CNBD1: variants seen among roughly 807,000 people sequenced by gnomAD.
CNBD1 encodes cyclic nucleotide binding domain containing 1.
In CNBD1, 71 loss-of-function variants were observed where a neutral mutation model predicts 54.4. The observed-to-expected ratio is 1.30, with a 90% CI of 1.08 to 1.59. CNBD1 has a LOEUF of 1.59. Among genes scored for constraint, CNBD1 ranks in the 40% most tolerant of loss-of-function variants. The pLI is 0.00. For missense variants in CNBD1, 659 were observed against 518.0 expected, an observed-to-expected ratio of 1.27 and a Z score of -2.64; for synonymous variants, 182 against 170.7, an observed-to-expected ratio of 1.07 and a Z score of -0.51.
intron 4 of CNBD1, among the ~76,000 whole-genome samples, chr8:86,981,459 G>T (rs1563846543): frequency 6.6e-6 from 1 of 152,106 alleles, no homozygotes; most frequent in African/African-American, 2.4e-5. Flanking sequence ...GAATTACTGA[G>T]CTATAATTTA....
At chr8:86,885,448 T>C (rs937574749) in intron 1 of CNBD1, among the ~76,000 whole-genome samples, 24 of 152,186 alleles carry the variant, frequency 1.6e-4, no homozygotes, top group African/African-American at 5.5e-4. Context: ...AACCGTGTTA[T>C]AGGGTTAAGT....
chr8:87,087,249 A>ATATCG (rs1563463306), intron 4 of CNBD1, among the ~76,000 whole-genome samples: 2 of 139,106 alleles, frequency 1.4e-5, no homozygotes, highest in African/African-American at 5.7e-5. Context: ...ATATATACGT[A>ATATCG]TATATATATA....
chr8:86,991,366 TTC>T (rs887140865), intron 4 of CNBD1, among the ~76,000 whole-genome samples: 10 of 151,944 alleles, frequency 6.6e-5, no homozygotes, highest in African/African-American at 2.4e-4. Flanking sequence ...TATTCAGATA[TTC>T]TCTCTCTGAC....
intron 6 of CNBD1, among the ~76,000 whole-genome samples, chr8:87,274,086 C>A (rs183985125): frequency 3.9e-5 from 6 of 152,184 alleles, no homozygotes; most frequent in African/African-American, 7.2e-5. Context: ...CATGTCCCTA[C>A]AAAAGACATG....
At chr8:87,323,622 A>G (rs1026846269) in intron 8 of CNBD1, among the ~76,000 whole-genome samples, 6 of 131,132 alleles carry the variant, frequency 4.6e-5, no homozygotes, top group African/African-American at 1.4e-4. Flanking sequence ...CTGGTGTATA[A>G]GAATGCTTGT....
intron 10 of CNBD1, among the ~76,000 whole-genome samples, chr8:87,375,819 C>T (rs987478725): frequency 1.3e-5 from 2 of 151,780 alleles, no homozygotes; most frequent in Admixed American, 6.6e-5. Context: ...CACTGAATTC[C>T]GTCACTAAAT....
In CNBD1 at chr8:87,236,935, A is replaced by G; in HGVS notation, c.594A>G (p.Gly198=). The G allele has an allele frequency of 1.3e-6, 2 of 1,596,918 alleles. No homozygotes were observed. The change falls in exon 6 of 11, where the codon GGA becomes GGG. Residue 198 remains glycine, a synonymous_variant. Transcript: ENST00000518476. ...LKGSTVVAND[G]FYVILKGLAR... ...TTTTTTCAGTGGTTGCAAATGATGG[A>G]TTTTATGTAATACTGAAAGGCCTAG...
At chr8:86,917,237 T>C (rs899068493) in intron 3 of CNBD1, among the ~76,000 whole-genome samples, 1 of 152,132 alleles carries the variant, frequency 6.6e-6, no homozygotes, top group African/African-American at 2.4e-5. Flanking sequence ...AGAATCACCT[T>C]AGGAGTTTTG....
chr8:87,210,273 G>T (rs1207804686), intron 5 of CNBD1, among the ~76,000 whole-genome samples: 1 of 152,202 alleles, frequency 6.6e-6, no homozygotes, highest in Admixed American at 6.5e-5. Flanking sequence ...AGCAGAGCAT[G>T]AGAGTTTTGA....
chr8:87,413,256 C>G (rs1250619289), intron 2 of CNBD1, among the ~76,000 whole-genome samples: 1 of 152,100 alleles, frequency 6.6e-6, no homozygotes, highest in Non-Finnish European at 1.5e-5. Flanking sequence ...CCAAGCTTAA[C>G]TTTCCCTTTT....
intron 2 of CNBD1, among the ~76,000 whole-genome samples, chr8:87,403,128 AT>A (rs1807595973): frequency 1.0e-5 from 1 of 97,318 alleles, no homozygotes; most frequent in Non-Finnish European, 2.0e-5. Context: ...AACATAGAAA[AT>A]AAAAAAAAAA....
intron 4 of CNBD1, among the ~76,000 whole-genome samples, chr8:86,957,042 G>A (rs921414139): frequency 1.2e-4 from 18 of 152,242 alleles, no homozygotes; most frequent in African/African-American, 4.1e-4. Flanking sequence ...AGCATGAAGG[G>A]CTGTTGAATT....
chr8:87,421,503 C>G (rs1299438355), intron 2 of CNBD1, among the ~76,000 whole-genome samples: 2 of 147,896 alleles, frequency 1.4e-5, no homozygotes, highest in African/African-American at 5.0e-5. Context: ...TCAATTCCCA[C>G]CTATGAGTGA....
chr8:87,358,459 G>GT (rs1036321008), intron 10 of CNBD1, among the ~76,000 whole-genome samples: 2 of 151,802 alleles, frequency 1.3e-5, no homozygotes, highest in African/African-American at 2.4e-5. Flanking sequence ...ATAATAATAT[G>GT]TTTTTTCTTT....
At chr8:87,110,615 G>A (rs899610930) in intron 4 of CNBD1, among the ~76,000 whole-genome samples, 4 of 152,146 alleles carry the variant, frequency 2.6e-5, no homozygotes, top group South Asian at 2.1e-4. Flanking sequence ...CCTGCCCTCC[G>A]GAGCATGTTG....
chr8:87,401,160 C>A (rs1276537344), intron 2 of CNBD1, among the ~76,000 whole-genome samples: 1 of 151,944 alleles, frequency 6.6e-6, no homozygotes, highest in Non-Finnish European at 1.5e-5. Flanking sequence ...TGTTTTCTAG[C>A]CAACCAAATA....
downstream of CNBD1, among the ~76,000 whole-genome samples, chr8:87,385,192 G>C (rs1448387309): frequency 1.3e-5 from 2 of 152,168 alleles, no homozygotes; most frequent in Non-Finnish European, 2.9e-5. Context: ...CCCAGCTTGA[G>C]TAACGCAGAA....
chr8:86,913,287 G>A lies in CNBD1; in HGVS notation c.272+8093G>A, dbSNP rs188444493. On this transcript the variant is annotated intron_variant, in intron 3 of 10. Coordinates refer to ENST00000518476, the MANE Select transcript of CNBD1 (RefSeq NM_173538.3). ...ACTGCAGGCTCCATTTAAGGGAAGTGCCCTTTACAGATATACCATTTTACA... is the reference window on the plus strand; with the variant it reads ...ACTGCAGGCTCCATTTAAGGGAAGTACCCTTTACAGATATACCATTTTACA... 1.5e-3 allele frequency among the ~76,000 whole-genome samples: 228 copies of A among 152,250 alleles called. No homozygotes were observed. In the Middle Eastern group the frequency reaches 0.017, roughly 11 times the overall value.
chr8:87,104,637 A>G (rs1031658040), intron 4 of CNBD1, among the ~76,000 whole-genome samples: 1 of 152,226 alleles, frequency 6.6e-6, no homozygotes, highest in African/African-American at 2.4e-5. Flanking sequence ...TAAAAGAGCT[A>G]GTGTGGAGAG....
Sources: gnomAD v4.1 joint callset for allele counts (sites outside exome capture counted in the v4.1 genomes callset) on GRCh38, gnomAD v4.1.1 for gene constraint, MANE v1.5 for transcripts, NCBI Gene and HGNC (gene_info 2026-07-23, HGNC 2026-07-21) for gene names.